Variants in SLC6A5 observed in about 807,000 individuals in gnomAD.
SLC6A5 encodes the protein solute carrier family 6 member 5.
SLC6A5 carries 58 observed loss-of-function variants against 90.5 expected under a neutral mutation model. The ratio of observed to expected loss-of-function variants is 0.64; its 90% CI spans 0.52 to 0.80. SLC6A5 has a LOEUF of 0.80. Among genes scored for constraint, SLC6A5 ranks in the 30% least tolerant of loss-of-function variants. The probability of loss-of-function intolerance (pLI) is 0.00; values close to 1 mark genes in which losing one functional copy is unlikely to be tolerated. For missense variants in SLC6A5, 1,015 were observed against 1,017.6 expected (o/e 1.00, Z 0.03); for synonymous variants, 427 against 401.4 (o/e 1.06, Z -0.76).
intron 13 of SLC6A5, among the ~76,000 whole-genome samples, chr11:20,644,401 G>A (rs1260142103): frequency 6.6e-6 from 1 of 152,044 alleles, no homozygotes; most frequent in Admixed American, 6.5e-5. Context: ...GTTATCACTC[G>A]TGACATCATC....
chr11:20,632,048 A>C (rs1308668804), intron 10 of SLC6A5, among the ~76,000 whole-genome samples: 1 of 152,112 alleles, frequency 6.6e-6, no homozygotes, highest in Admixed American at 6.5e-5. Flanking sequence ...ACTAAATTAG[A>C]GGGGCCCCAG....
At chr11:20,628,174 C>T in intron 9 of SLC6A5, 91 bp downstream of exon 9, 1 of 1,059,124 alleles carries the variant, frequency 9.4e-7, no homozygotes. Context: ...CACATCCTCA[C>T]ATTTCATCTT....
intron 13 of SLC6A5, among the ~76,000 whole-genome samples, chr11:20,644,227 A>T (rs749877985): frequency 6.6e-6 from 1 of 152,080 alleles, no homozygotes; most frequent in Non-Finnish European, 1.5e-5. Flanking sequence ...CTTGACAAAC[A>T]TCTCCCCATT....
chr11:20,602,245 G>A (rs904745000), intron 2 of SLC6A5, among the ~76,000 whole-genome samples: 1 of 152,116 alleles, frequency 6.6e-6, no homozygotes, highest in African/African-American at 2.4e-5. Context: ...AAAACCTGGT[G>A]TCTACTTTTG....
At chr11:20,630,946 T>G in intron 10 of SLC6A5, 131 bp downstream of exon 10, 1 of 1,011,464 alleles carries the variant, frequency 9.9e-7, no homozygotes, top group Non-Finnish European at 1.5e-6. Context: ...AGGTCCTTCT[T>G]TACAGAGGGA....
At position 20,654,750 on chromosome 11, in the gene SLC6A5, G is replaced by A; in HGVS notation, c.2276G>A (p.Gly759Asp). The change falls in exon 16 of 16, where the codon GGC (glycine) becomes GAC (aspartate). Residue 759 changes from glycine (G) to aspartate (D), a missense_variant. Transcript: ENST00000525748. ...KLVCSPQPDW[G>D]PFLAQHRGER... is the part of the protein sequence containing the mutation. ...GTGTGCTCGCCACAGCCGGACTGGG[G>A]CCCATTCTTAGCTCAACACCGCGGG... The A allele has an allele frequency of 6.2e-7, 1 of 1,614,140 alleles. No individual in the cohort carries two copies. Among genetic ancestry groups the A allele is most frequent in the Non-Finnish European group, 8.5e-7 (1 of 1,180,032 alleles).
chr11:20,636,518 G>A (rs1004768912), intron 11 of SLC6A5, 99 bp downstream of exon 11: 9 of 774,588 alleles, frequency 1.2e-5, no homozygotes, highest in East Asian at 1.0e-4. Flanking sequence ...GTAGGCTTAC[G>A]GGTGTCTGAA....
chr11:20,605,404 A>G (rs1038461081), intron 3 of SLC6A5, among the ~76,000 whole-genome samples: 2 of 152,194 alleles, frequency 1.3e-5, no homozygotes, highest in African/African-American at 4.8e-5. Flanking sequence ...AACATAGGCC[A>G]CTACTCCCGT....
chr11:20,654,263 A>T (rs980251274), intron 15 of SLC6A5, among the ~76,000 whole-genome samples: 3 of 152,182 alleles, frequency 2.0e-5, no homozygotes, highest in Non-Finnish European at 4.4e-5. Context: ...AATATGCTAA[A>T]CAAAATGCAA....
chr11:20,633,613 C>G (rs1271440686), intron 10 of SLC6A5, among the ~76,000 whole-genome samples: 1 of 152,170 alleles, frequency 6.6e-6, no homozygotes, highest in South Asian at 2.1e-4. Flanking sequence ...TCTGGGGACT[C>G]TGCTCAAGTT....
Position 20,619,592 on chromosome 11 carries a change from A to G in SLC6A5, c.1260+1708A>G, listed in dbSNP as rs79418374. On this transcript the variant is annotated intron_variant, in intron 7 of 15. Coordinates refer to ENST00000525748, the MANE Select transcript of SLC6A5 (RefSeq NM_004211.5). ...GATATCTCTACTTGGGTGGTGAAAC[A>G]TGGCTGAGCTTCTGATTTTGCTCTT... 3.4e-3 allele frequency among the ~76,000 whole-genome samples: 520 copies of G among 151,404 alleles called. 3 individuals are homozygous for G. The highest frequency in any genetic ancestry group is 6.9e-3 in the Middle Eastern group (2 of 290).
intron 3 of SLC6A5, among the ~76,000 whole-genome samples, chr11:20,605,100 G>T (rs1852552889): frequency 6.6e-6 from 1 of 152,046 alleles, no homozygotes. Flanking sequence ...ATGCTCCCTT[G>T]TACCTCTTCT....
intron 5 of SLC6A5, among the ~76,000 whole-genome samples, chr11:20,610,960 A>C (rs1438357433): frequency 6.6e-6 from 1 of 152,206 alleles, no homozygotes; most frequent in African/African-American, 2.4e-5. Context: ...TTCTAGACAG[A>C]AGTATTGTTA....
intron 14 of SLC6A5, among the ~76,000 whole-genome samples, chr11:20,651,303 G>A (rs529431975): frequency 3.7e-4 from 51 of 138,310 alleles, no homozygotes; most frequent in Non-Finnish European, 6.9e-4. Flanking sequence ...AGACCGAGAC[G>A]CGCCCTATTG....
chr11:20,607,741 G>A (rs1852613069), intron 5 of SLC6A5, 89 bp downstream of exon 5: 1 of 1,005,082 alleles, frequency 9.9e-7, no homozygotes, highest in Non-Finnish European at 1.6e-6. Context: ...ATGCATGCTA[G>A]GACCTATACT....
chr11:20,606,052 G>C (rs1590155528), intron 3 of SLC6A5, among the ~76,000 whole-genome samples: 1 of 152,228 alleles, frequency 6.6e-6, no homozygotes, highest in Non-Finnish European at 1.5e-5. Flanking sequence ...TTCTGCGCTC[G>C]CGCATCTCCA....
At chr11:20,637,446 T>G (rs150677070) in intron 12 of SLC6A5, 143 bp downstream of exon 12, 1 of 749,028 alleles carries the variant, frequency 1.3e-6, no homozygotes, top group Admixed American at 2.0e-5. Context: ...ACCAGTTCAT[T>G]AGGGATTCTG....
In SLC6A5 at chr11:20,626,786, G is replaced by C. The variant is rs1015398111; in HGVS notation, c.1339G>C (p.Gly447Arg). ...LIRGVTLPGA[G>R]AGIWYFITPK... is the part of the protein sequence containing the mutation. ...CCGAGGAGTCACCCTGCCTGGAGCT[G>C]GAGCTGGGATCTGGTACTTCATCAC... The change falls in exon 8 of 16, where the codon GGA (glycine) becomes CGA (arginine). Residue 447 changes from glycine to arginine, a missense_variant. Transcript: ENST00000525748. The C allele has an allele frequency of 2.2e-5, 36 of 1,613,960 alleles. No homozygotes were observed. Among genetic ancestry groups the C allele is most frequent in the Non-Finnish European group, 3.0e-5 (35 of 1,179,950 alleles).
chr11:20,613,654 T>TC (rs1852733049), intron 5 of SLC6A5, among the ~76,000 whole-genome samples: 1 of 51,224 alleles, frequency 2.0e-5, no homozygotes, highest in South Asian at 5.8e-4. Context: ...AAATAATTCT[T>TC]TTTTTTTTTT....
Sources: allele counts gnomAD v4.1 joint callset (sites outside exome capture counted in the v4.1 genomes callset), GRCh38; gene constraint gnomAD v4.1.1; transcripts MANE v1.5; gene names NCBI Gene and HGNC (gene_info 2026-07-23, HGNC 2026-07-21).